The following SNAP29 variants were observed in gnomAD, a reference collection of about 807,000 sequenced individuals.
SNAP29 encodes synaptosomal-associated protein 29.
Under a neutral mutation model 27.9 loss-of-function variants are expected in SNAP29, and 13 were observed. The ratio of observed to expected loss-of-function variants is 0.47; its 90% CI spans 0.30 to 0.74. The LOEUF (loss-of-function observed/expected upper bound fraction) is 0.74, where lower values mean the gene tolerates loss of function less well. SNAP29 is among the 30% of genes least tolerant of loss of function. The pLI is 0.06. For synonymous variants in SNAP29, 119 were observed against 127.1 expected, an observed-to-expected ratio of 0.94 and a Z score of 0.43; for missense variants, 368 against 336.5, an observed-to-expected ratio of 1.09 and a Z score of -0.73.
Position 20,875,983 on chromosome 22 carries a change from A to C in SNAP29, c.435-5066A>C, listed in dbSNP as rs186476759. On this transcript the variant is annotated intron_variant, in intron 2 of 4. Coordinates refer to ENST00000215730, the MANE Select transcript of SNAP29 (RefSeq NM_004782.4). ...GAGACCATCCTAGCTAACACGGTGA[A>C]ACCCCGTCTCTACTAAAAATACAAA... 1.9e-3 allele frequency among the ~76,000 whole-genome samples: 284 copies of C among 151,984 alleles called. 1 individual carries two copies. Among genetic ancestry groups the C allele is most frequent in the African/African-American group, 6.8e-3 (283 of 41,454 alleles).
intron 4 of SNAP29, among the ~76,000 whole-genome samples, chr22:20,884,203 G>A (rs1310558407): frequency 6.6e-6 from 1 of 151,964 alleles, no homozygotes; most frequent in Non-Finnish European, 1.5e-5. Context: ...CGTGGTGGCA[G>A]GCGCCTGTAA....
intron 2 of SNAP29, among the ~76,000 whole-genome samples, chr22:20,874,574 CAA>C (rs758177794): frequency 0.036 from 3,578 of 98,240 alleles, 145 homozygotes; most frequent in African/African-American, 0.12. Context: ...GACCCTATCT[CAA>C]AAAAAAAAAA....
rs1464881835 is a variant in SNAP29, at chr22:20,863,888, G to A, written c.237+4541G>A. Among the ~76,000 whole-genome samples, 7 of 151,774 alleles carry A rather than the reference G, an allele frequency of 4.6e-5. No homozygotes were observed. The East Asian group carries it at 1.4e-3, about 29-fold the overall frequency. On this transcript the variant is annotated intron_variant, in intron 1 of 4. Transcript: ENST00000215730. ...TTAAGTGAAGTATTGTATACATTCT[G>A]GTCTGCATGTGCTTAATAGAATGGA...
chr22:20,883,322 G>A, intron 3 of SNAP29, 149 bp from the exon 4 acceptor site: 1 of 638,268 alleles, frequency 1.6e-6, no homozygotes, highest in Non-Finnish European at 2.9e-6. Context: ...AGCCTGCGCT[G>A]TGCTCCTCCC....
intron 1 of SNAP29, among the ~76,000 whole-genome samples, chr22:20,863,921 C>G (rs1462428190): frequency 6.6e-6 from 1 of 151,946 alleles, no homozygotes; most frequent in Non-Finnish European, 1.5e-5. Context: ...GGAGTTTGTT[C>G]CACACTAGTA....
intron 4 of SNAP29, among the ~76,000 whole-genome samples, chr22:20,885,002 C>T (rs1250937392): frequency 1.3e-5 from 2 of 152,028 alleles, no homozygotes; most frequent in South Asian, 2.1e-4. Context: ...CTCGAACTCC[C>T]GACCTCAGGT....
intron 2 of SNAP29, among the ~76,000 whole-genome samples, chr22:20,872,820 CTTTTTTTTTTTTTT>C (rs361677): frequency 5.0e-5 from 2 of 39,866 alleles, no homozygotes; most frequent in South Asian, 2.7e-3. Context: ...CCACGCCAGG[CTTTTTTTTTTTTTT>C]TTTTTTTTTT....
At chr22:20,884,994 C>T (rs145924092) in intron 4 of SNAP29, among the ~76,000 whole-genome samples, 2,158 of 152,208 alleles carry the variant, frequency 0.014, 23 homozygotes, top group Middle Eastern at 0.034. Context: ...AGGCTGGTCT[C>T]GAACTCCCGA....
chr22:20,871,125 G>GAA (rs362232), intron 2 of SNAP29: 5 of 108,204 alleles, frequency 4.6e-5, no homozygotes, highest in South Asian at 3.1e-4. Context: ...CCTGTCTCAA[G>GAA]AAAAAAAAAA....
At chr22:20,862,280 C>T (rs961777787) in intron 1 of SNAP29, among the ~76,000 whole-genome samples, 2 of 152,124 alleles carry the variant, frequency 1.3e-5, no homozygotes, top group Non-Finnish European at 2.9e-5. Flanking sequence ...AAACTGAGAA[C>T]AAATGAAGTA....
intron 1 of SNAP29, among the ~76,000 whole-genome samples, chr22:20,868,058 GA>G (rs1333009163): frequency 6.6e-6 from 1 of 152,202 alleles, no homozygotes; most frequent in Non-Finnish European, 1.5e-5. Flanking sequence ...TGGACTGTCA[GA>G]AAAACATGTA....
At chr22:20,885,227 C>G (rs191489748) in intron 4 of SNAP29, among the ~76,000 whole-genome samples, 45 of 152,274 alleles carry the variant, frequency 3.0e-4, no homozygotes, top group Admixed American at 6.5e-4. Context: ...CCCGTGGTGA[C>G]CTGGGTCACC....
chr22:20,872,633 T>G (rs1237516157), intron 2 of SNAP29, among the ~76,000 whole-genome samples: 3 of 151,886 alleles, frequency 2.0e-5, no homozygotes, highest in Non-Finnish European at 4.4e-5. Context: ...ACCTCCTGAC[T>G]TCGTGATCCA....
chr22:20,884,972 T>G (rs546757962), intron 4 of SNAP29, among the ~76,000 whole-genome samples: 5 of 152,236 alleles, frequency 3.3e-5, no homozygotes, highest in Admixed American at 2.0e-4. Flanking sequence ...ATGAGGTTTC[T>G]CCTTGTTGGT....
rs1268168567 is a variant in SNAP29, at chr22:20,859,075, C to G, written c.-36C>G. The G allele has an allele frequency of 7.2e-6, 11 of 1,533,664 alleles. No homozygotes were observed. Among genetic ancestry groups the G allele is most frequent in the Non-Finnish European group, 9.0e-6 (10 of 1,116,142 alleles). On this transcript the variant is annotated 5_prime_UTR_variant, in exon 1 of 5. Coordinates refer to ENST00000215730, the MANE Select transcript of SNAP29 (RefSeq NM_004782.4). The stretch of plus-strand genomic sequence containing the variant: ...GGACGGCGGCGGCAGTGGGGCTCCT[C>G]CTTCTGTTTCCCAGACCGAGAGCCG...
chr22:20,888,942 A>G lies in SNAP29; in HGVS notation c.*1106A>G, dbSNP rs1350518320. On this transcript the variant is annotated 3_prime_UTR_variant, in exon 5 of 5. Coordinates refer to ENST00000215730, the MANE Select transcript of SNAP29 (RefSeq NM_004782.4). Reference sequence around the variant, plus strand: ...ATTTTGCTAAGGGGGCAAAAAGCCCAGATACCATTTTAACTGGCCCAGTTC... The same window carrying G: ...ATTTTGCTAAGGGGGCAAAAAGCCCGGATACCATTTTAACTGGCCCAGTTC... 1 of 152,240 alleles carries G rather than the reference A, an allele frequency of 6.6e-6. No homozygotes were observed. Among genetic ancestry groups the G allele is most frequent in the Non-Finnish European group, 1.5e-5 (1 of 68,044 alleles). The allele number at this position is 152,240 out of a possible 1,614,324, so 9.4% of individuals were successfully genotyped here. A position where few individuals can be genotyped will look rare whatever the true frequency, so the allele number is the denominator to read the frequency against.
chr22:20,874,207 G>A (rs1241616606), intron 2 of SNAP29, among the ~76,000 whole-genome samples: 5 of 145,072 alleles, frequency 3.4e-5, no homozygotes, highest in South Asian at 4.4e-4. Flanking sequence ...CCCAGGAGGC[G>A]GAGCTTACAG....
intron 1 of SNAP29, among the ~76,000 whole-genome samples, chr22:20,862,147 G>A (rs1009291128): frequency 3.3e-5 from 5 of 152,204 alleles, no homozygotes; most frequent in Admixed American, 3.3e-4. Context: ...TTCTAAATGG[G>A]AAGTCTTGGC....
intron 2 of SNAP29, among the ~76,000 whole-genome samples, chr22:20,875,370 GA>G (rs1928714125): frequency 6.6e-6 from 1 of 152,178 alleles, no homozygotes; most frequent in East Asian, 1.9e-4. Context: ...GTAAATTCAA[GA>G]AAGCAAAACT....
Sources: gnomAD v4.1 joint callset for allele counts (sites outside exome capture counted in the v4.1 genomes callset) on GRCh38, gnomAD v4.1.1 for gene constraint, MANE v1.5 for transcripts, NCBI Gene and HGNC (gene_info 2026-07-23, HGNC 2026-07-21) for gene names.